Variants in MGMT observed in about 807,000 individuals in gnomAD.
MGMT encodes methylated-DNA--protein-cysteine methyltransferase.
Under a neutral mutation model 15.9 loss-of-function variants are expected in MGMT, and 14 were observed. That is an observed-to-expected ratio of 0.88 (90% CI 0.58 to 1.37). The LOEUF is 1.37. Among genes scored for constraint, MGMT ranks in the 40% most tolerant of loss-of-function variants. MGMT has a pLI of 0.00. For synonymous variants in MGMT, 130 were observed against 118.2 expected (o/e 1.10, Z -0.65); for missense variants, 282 against 268.1 (o/e 1.05, Z -0.36).
At chr10:129,718,472 G>A (rs935247897) in intron 3 of MGMT, among the ~76,000 whole-genome samples, 5 of 148,776 alleles carry the variant, frequency 3.4e-5, no homozygotes, top group South Asian at 2.1e-4. Context: ...CCTCCATTTC[G>A]AAGGGCAATT....
At position 129,532,946 on chromosome 10, in the gene MGMT, G is replaced by A. The variant is rs1845948543; in HGVS notation, c.-12-3295G>A. 1.3e-5 allele frequency among the ~76,000 whole-genome samples: 2 copies of A among 152,192 alleles called. No individual in the cohort carries two copies. Among genetic ancestry groups the A allele is most frequent in the South Asian group, 2.1e-4 (1 of 4,830 alleles). ...GGGCAAACCCTTCCTCTCCCAGGCC[G>A]TCCCTTCCTGCAGCTGCTCGGACAC... is the stretch of plus-strand genomic sequence containing the variant. On this transcript the variant is annotated intron_variant, in intron 1 of 4. Coordinates refer to ENST00000651593, the MANE Select transcript of MGMT (RefSeq NM_002412.5). This position sits in a 1 kb window ranked among gnomAD's most constrained non-coding sequence, Gnocchi z 5.3.
chr10:129,766,053 G>C (rs1202489444), intron 4 of MGMT, among the ~76,000 whole-genome samples: 2 of 152,208 alleles, frequency 1.3e-5, no homozygotes, highest in Non-Finnish European at 2.9e-5. Flanking sequence ...CCCCTGGTGG[G>C]ACTGGCCATA....
In MGMT at chr10:129,562,988, G is replaced by A. The variant is rs562928980; in HGVS notation, c.125+26611G>A. Among the ~76,000 whole-genome samples, 236 of 152,224 alleles carry A rather than the reference G, an allele frequency of 1.6e-3. 2 individuals carry two copies. Among genetic ancestry groups the A allele is most frequent in the African/African-American group, 5.4e-3 (226 of 41,518 alleles). ...ACAAGTGCCCGTGCCACCATTCTGC[G>A]TCTCAGTACAGTATTGAATAAAGGA... On this transcript the variant is annotated intron_variant, in intron 2 of 4. Coordinates refer to ENST00000651593, the MANE Select transcript of MGMT (RefSeq NM_002412.5).
intron 2 of MGMT, among the ~76,000 whole-genome samples, chr10:129,690,193 G>A (rs185673975): frequency 7.9e-4 from 120 of 152,350 alleles, no homozygotes; most frequent in Non-Finnish European, 1.4e-3. Context: ...TTACTTCCAT[G>A]TGTCTTAAGT....
At chr10:129,527,453 C>G (rs146382039) in intron 1 of MGMT, among the ~76,000 whole-genome samples, 7 of 152,324 alleles carry the variant, frequency 4.6e-5, no homozygotes, top group African/African-American at 1.7e-4. Context: ...GAGGGCCTCT[C>G]TGCCCCGTGT....
chr10:129,531,641 TCTA>T (rs1448217838), intron 1 of MGMT, among the ~76,000 whole-genome samples: 3 of 152,062 alleles, frequency 2.0e-5, no homozygotes, highest in South Asian at 2.1e-4. Context: ...TAAACTAACT[TCTA>T]CTGCTGCCCA....
At chr10:129,550,878 G>T (rs1284837760) in intron 2 of MGMT, among the ~76,000 whole-genome samples, 1 of 152,198 alleles carries the variant, frequency 6.6e-6, no homozygotes, top group Admixed American at 6.5e-5. Context: ...ACCTTGTGTG[G>T]GTTCCTCCAA....
At chr10:129,610,528 C>G (rs1004402704) in intron 2 of MGMT, among the ~76,000 whole-genome samples, 1 of 152,236 alleles carries the variant, frequency 6.6e-6, no homozygotes, top group African/African-American at 2.4e-5. Context: ...AATAGCGATT[C>G]CTCATGCCCC....
intron 2 of MGMT, among the ~76,000 whole-genome samples, chr10:129,597,275 G>T (rs1846762057): frequency 6.6e-6 from 1 of 152,110 alleles, no homozygotes; most frequent in South Asian, 2.1e-4. Context: ...AGTTCATCTG[G>T]ATCTCAACCT....
chr10:129,600,710 C>T (rs531044195), intron 2 of MGMT, among the ~76,000 whole-genome samples: 4 of 152,156 alleles, frequency 2.6e-5, no homozygotes, highest in East Asian at 1.9e-4. Context: ...AAATGGCCTG[C>T]GTGGGTATCC....
At chr10:129,763,107 T>C (rs542937860) in intron 4 of MGMT, among the ~76,000 whole-genome samples, 1 of 152,340 alleles carries the variant, frequency 6.6e-6, no homozygotes, top group South Asian at 2.1e-4. Context: ...GGAAGTTTTA[T>C]AGCGTTTGAG....
chr10:129,520,433 G>A (rs905154464), intron 1 of MGMT, among the ~76,000 whole-genome samples: 8 of 152,174 alleles, frequency 5.3e-5, no homozygotes, highest in African/African-American at 1.7e-4. Flanking sequence ...CGCATACAGA[G>A]CCCCTATGGT....
intron 2 of MGMT, among the ~76,000 whole-genome samples, chr10:129,606,472 C>T (rs1435812941): frequency 6.6e-6 from 1 of 152,176 alleles, no homozygotes; most frequent in African/African-American, 2.4e-5. Flanking sequence ...CCCCTGAGGT[C>T]TCTGTAAACA....
At chr10:129,601,710 G>A (rs940416759) in intron 2 of MGMT, among the ~76,000 whole-genome samples, 1 of 152,156 alleles carries the variant, frequency 6.6e-6, no homozygotes, top group Non-Finnish European at 1.5e-5. Flanking sequence ...ACTTTAATTT[G>A]GTCCAAAATA....
At chr10:129,668,988 TTTA>T (rs1012297931) in intron 2 of MGMT, among the ~76,000 whole-genome samples, 1 of 152,142 alleles carries the variant, frequency 6.6e-6, no homozygotes, top group African/African-American at 2.4e-5. Flanking sequence ...TTTTGTTGGA[TTTA>T]TTATTAGGTA....
chr10:129,502,093 G>C (rs1483477716), intron 1 of MGMT, among the ~76,000 whole-genome samples: 3 of 152,224 alleles, frequency 2.0e-5, no homozygotes, highest in Non-Finnish European at 4.4e-5. Flanking sequence ...AGTGGGTTTG[G>C]TGGTGGTTGT....
intron 2 of MGMT, among the ~76,000 whole-genome samples, chr10:129,696,002 G>A (rs1193748607): frequency 6.6e-6 from 1 of 152,120 alleles, no homozygotes; most frequent in Non-Finnish European, 1.5e-5. Flanking sequence ...GCGGTCTTAC[G>A]GTATGTTTCC....
At chr10:129,552,219 T>C (rs1846165107) in intron 2 of MGMT, among the ~76,000 whole-genome samples, 1 of 152,188 alleles carries the variant, frequency 6.6e-6, no homozygotes, top group African/African-American at 2.4e-5. Context: ...TTCCTGAACA[T>C]GTGGGAGGGG....
chr10:129,603,260 T>G lies in MGMT; in HGVS notation c.125+66883T>G, dbSNP rs1210111937. ...CTGATTTTATGCACATTGTTTTTAG[T>G]TAATGATTTTCAGCTGTTTGTTGTT... On this transcript the variant is annotated intron_variant, in intron 2 of 4. Coordinates refer to ENST00000651593, the MANE Select transcript of MGMT (RefSeq NM_002412.5). Among the ~76,000 whole-genome samples, 3 of 152,352 alleles carry G rather than the reference T, an allele frequency of 2.0e-5. No individual in the cohort carries two copies. In the East Asian group the frequency reaches 5.8e-4, roughly 29 times the overall value.
Sources: gnomAD v4.1 joint callset for allele counts (sites outside exome capture counted in the v4.1 genomes callset) on GRCh38, gnomAD v4.1.1 for gene constraint, Gnocchi (gnomAD v3.1) non-coding constraint, MANE v1.5 for transcripts, NCBI Gene and HGNC (gene_info 2026-07-23, HGNC 2026-07-21) for gene names.